CPPED1: variants seen among roughly 807,000 people sequenced by gnomAD.
The protein encoded by CPPED1 is calcineurin like phosphoesterase domain containing 1.
In CPPED1, 28 loss-of-function variants were observed where a neutral mutation model predicts 28.0. That is an observed-to-expected ratio of 1.00 (90% CI 0.74 to 1.37). The LOEUF (loss-of-function observed/expected upper bound fraction) is 1.37, where lower values mean the gene tolerates loss of function less well. Ranked by LOEUF, CPPED1 falls within the 40% of genes most tolerant of loss-of-function variation. The pLI, the probability that CPPED1 is intolerant of heterozygous loss-of-function variation, is 0.00. For synonymous variants in CPPED1, 198 were observed against 180.2 expected (o/e 1.10, Z -0.79); for missense variants, 504 against 416.5 (o/e 1.21, Z -1.83).
At chr16:12,764,635 G>A (rs2080429076) in intron 2 of CPPED1, among the ~76,000 whole-genome samples, 1 of 152,276 alleles carries the variant, frequency 6.6e-6, no homozygotes, top group African/African-American at 2.4e-5. Flanking sequence ...CACTGCGCCT[G>A]GCCTGATTTG....
chr16:12,793,915 A>T (rs2080611241), intron 1 of CPPED1, among the ~76,000 whole-genome samples: 1 of 152,238 alleles, frequency 6.6e-6, no homozygotes, highest in Non-Finnish European at 1.5e-5. Context: ...CTAGCTAAAG[A>T]GCAAATGGCA....
At chr16:12,782,223 T>C (rs1181121681) in intron 1 of CPPED1, among the ~76,000 whole-genome samples, 3 of 152,182 alleles carry the variant, frequency 2.0e-5, no homozygotes, top group African/African-American at 7.2e-5. Flanking sequence ...GGAATGGCCA[T>C]TAATGGGCAC....
Position 12,732,798 on chromosome 16 carries a change from A to G in CPPED1, c.290-27749T>C, listed in dbSNP as rs148016718. Among the ~76,000 whole-genome samples the G allele has an allele frequency of 7.8e-3, 1,185 of 152,314 alleles. 21 individuals are homozygous for G. The highest frequency in any genetic ancestry group is 0.057 in the South Asian group (274 of 4,822). On this transcript the variant is annotated intron_variant, in intron 2 of 3. Transcript: ENST00000381774. ...TCATTCTATACCCAGCCAAACTATC[A>G]AACTATCACTTTAATGTGAGGGTGG...
In CPPED1 at chr16:12,748,747, G is replaced by A. The variant is rs551336474; in HGVS notation, c.289+32438C>T. Among the ~76,000 whole-genome samples the A allele has an allele frequency of 7.2e-5, 11 of 152,168 alleles. No homozygotes were observed. In the South Asian group the frequency reaches 2.1e-3, roughly 29 times the overall value. ...AAAAATAAAAAATTAGCCGGTTGTG[G>A]TGGTGCACGCCTATAATCCCAGCTA... On this transcript the variant is annotated intron_variant, in intron 2 of 3. Coordinates refer to ENST00000381774, the MANE Select transcript of CPPED1 (RefSeq NM_018340.3).
At chr16:12,803,078 C>T (rs1014713909) in intron 1 of CPPED1, among the ~76,000 whole-genome samples, 1 of 152,192 alleles carries the variant, frequency 6.6e-6, no homozygotes, top group African/African-American at 2.4e-5. Context: ...GATCTGTTTA[C>T]GCTTCCAACA....
rs765597115 is a variant in CPPED1 at position 12,781,418 on chromosome 16, G to C, written c.71-15C>G. On this transcript the variant is annotated splice_polypyrimidine_tract_variant and intron_variant, in intron 1 of 3. Coordinates refer to ENST00000381774, the MANE Select transcript of CPPED1 (RefSeq NM_018340.3). Reference sequence around the variant, plus strand: ...GCTTTCCTTTTCTTAAAAAAAGAGAGAGGGAGAAAGAAGGAGAAATCTTGT... The same window carrying C: ...GCTTTCCTTTTCTTAAAAAAAGAGACAGGGAGAAAGAAGGAGAAATCTTGT... The C allele has an allele frequency of 4.4e-6, 7 of 1,608,700 alleles. No homozygotes were observed. Among genetic ancestry groups the C allele is most frequent in the African/African-American group, 1.3e-5 (1 of 74,760 alleles).
intron 2 of CPPED1, among the ~76,000 whole-genome samples, chr16:12,737,183 A>T (rs2080231055): frequency 6.6e-6 from 1 of 152,042 alleles, no homozygotes; most frequent in Non-Finnish European, 1.5e-5. Flanking sequence ...GAGTGAGACC[A>T]TGTCTCAAAA....
At chr16:12,668,759 A>G (rs1469948561) in intron 3 of CPPED1, among the ~76,000 whole-genome samples, 1 of 152,268 alleles carries the variant, frequency 6.6e-6, no homozygotes. Flanking sequence ...CTTTAGGGAA[A>G]TGCGATTAGC....
At chr16:12,802,125 T>G (rs1472005581) in intron 1 of CPPED1, among the ~76,000 whole-genome samples, 1 of 151,994 alleles carries the variant, frequency 6.6e-6, no homozygotes, top group African/African-American at 2.4e-5. Flanking sequence ...CCGATGTAGC[T>G]CACGGAGGGC....
In CPPED1 at chr16:12,718,538, T is replaced by TC. The variant is rs537664848; in HGVS notation, c.290-13490_290-13489insG. Among the ~76,000 whole-genome samples the TC allele has an allele frequency of 2.8e-4, 33 of 117,808 alleles. 1 individual carries two copies. Among genetic ancestry groups the TC allele is most frequent in the Non-Finnish European group, 1.2e-4 (7 of 59,018 alleles). 77.3% of individuals were successfully genotyped at this position (117,808 alleles called of 152,430 possible). ...TGGGTGACAGAGCAAGACTCTGTCT[T>TC]AAAAAAAAAAAAAAAAAAAGAAAGA... On this transcript the variant is annotated intron_variant, in intron 2 of 3. Coordinates refer to ENST00000381774, the MANE Select transcript of CPPED1 (RefSeq NM_018340.3).
At chr16:12,702,274 A>G (rs2080024601) in intron 3 of CPPED1, among the ~76,000 whole-genome samples, 1 of 151,768 alleles carries the variant, frequency 6.6e-6, no homozygotes, top group African/African-American at 2.4e-5. Context: ...TAGAGCTCAC[A>G]CCTGTAATTT....
rs375350802 is a variant in CPPED1 at position 12,704,605 on chromosome 16, C to A, written c.715+19G>T. 3 of 1,589,888 alleles carry A rather than the reference C, an allele frequency of 1.9e-6. No individual in the cohort carries two copies. The highest frequency in any genetic ancestry group is 1.7e-6 in the Non-Finnish European group (2 of 1,165,546). Reference sequence around the variant, plus strand: ...AGACTTGTCCTTCCTCCCTGAAACCCGTGGCCCGGGGCCTCTACCTGCGTG... The same window carrying A: ...AGACTTGTCCTTCCTCCCTGAAACCAGTGGCCCGGGGCCTCTACCTGCGTG... On this transcript the variant is annotated intron_variant, in intron 3 of 3. Coordinates refer to ENST00000381774, the MANE Select transcript of CPPED1 (RefSeq NM_018340.3).
intron 3 of CPPED1, among the ~76,000 whole-genome samples, chr16:12,666,896 T>C (rs2079828637): frequency 6.6e-6 from 1 of 152,156 alleles, no homozygotes; most frequent in Non-Finnish European, 1.5e-5. Context: ...CCTAATGAGT[T>C]AGTAGGAGCT....
chr16:12,691,939 T>G (rs1567277215), intron 3 of CPPED1, among the ~76,000 whole-genome samples: 2 of 151,446 alleles, frequency 1.3e-5, no homozygotes, highest in Admixed American at 6.6e-5. Flanking sequence ...ATTGTTCACA[T>G]GTACCCTAAA....
chr16:12,723,779 C>T (rs114063535), intron 2 of CPPED1, among the ~76,000 whole-genome samples: 1,967 of 152,236 alleles, frequency 0.013, 45 homozygotes, highest in African/African-American at 0.044. Flanking sequence ...AAGGAATGCT[C>T]TTTGGAAAAT....
At chr16:12,681,119 G>A (rs1225426502) in intron 3 of CPPED1, among the ~76,000 whole-genome samples, 15 of 82,792 alleles carry the variant, frequency 1.8e-4, no homozygotes, top group Admixed American at 1.5e-3. Flanking sequence ...TTCCTCCCCC[G>A]ACCCCCGTTT....
rs71393703 is a variant in CPPED1, at chr16:12,766,242, A to AATATAT, written c.289+14937_289+14942dup. On this transcript the variant is annotated intron_variant, in intron 2 of 3. Coordinates refer to ENST00000381774, the MANE Select transcript of CPPED1 (RefSeq NM_018340.3). Reference sequence around the variant, plus strand: ...ACCCCATCTCTACAAAAAAAATACAAATATATATATATATAGAGAGAGAGA... The same window carrying AATATAT: ...ACCCCATCTCTACAAAAAAAATACAAATATATATATATATATATATAGAGAGAGAGA... Among the ~76,000 whole-genome samples, 317 of 126,604 alleles carry AATATAT rather than the reference A, an allele frequency of 2.5e-3. 1 individual carries two copies. Among genetic ancestry groups the AATATAT allele is most frequent in the South Asian group, 5.8e-3 (25 of 4,330 alleles). 83.1% of individuals were successfully genotyped at this position (126,604 alleles called of 152,430 possible). A position where few individuals can be genotyped will look rare whatever the true frequency, so the allele number is the denominator to read the frequency against.
At chr16:12,731,685 C>G (rs9923127) in intron 2 of CPPED1, among the ~76,000 whole-genome samples, 2 of 151,476 alleles carry the variant, frequency 1.3e-5, no homozygotes, top group East Asian at 3.9e-4. Flanking sequence ...CTCCCTCCCC[C>G]GCATTTGTCA....
intron 2 of CPPED1, among the ~76,000 whole-genome samples, chr16:12,766,277 GGAGA>G (rs762583415): frequency 3.3e-5 from 4 of 119,910 alleles, no homozygotes; most frequent in South Asian, 4.9e-4. Flanking sequence ...AGAGAGAGAG[GGAGA>G]GAGAGAGAGA....
Sources: gnomAD v4.1 joint callset for allele counts (sites outside exome capture counted in the v4.1 genomes callset) on GRCh38, gnomAD v4.1.1 for gene constraint, MANE v1.5 for transcripts, NCBI Gene and HGNC (gene_info 2026-07-23, HGNC 2026-07-21) for gene names.